Variants in SYNE2 observed in about 807,000 individuals in gnomAD.
The protein encoded by SYNE2 is nesprin-2.
In SYNE2, 431 loss-of-function variants were observed where a neutral mutation model predicts 856.3. The ratio of observed to expected loss-of-function variants is 0.50; its 90% CI spans 0.47 to 0.55. The LOEUF (loss-of-function observed/expected upper bound fraction) is 0.55, where lower values mean the gene tolerates loss of function less well. Among genes scored for constraint, SYNE2 ranks in the 20% least tolerant of loss-of-function variants. SYNE2 has a pLI of 0.00. For missense variants in SYNE2, 8,129 were observed against 8,023.2 expected (o/e 1.01, Z -0.50); for synonymous variants, 2,923 against 2,872.3 (o/e 1.02, Z -0.56).
At chr14:63,983,652 A>G (rs957571692) in intron 17 of SYNE2, 85 bp from the exon 18 acceptor site, 34 of 1,146,054 alleles carry the variant, frequency 3.0e-5, no homozygotes, top group Non-Finnish European at 3.9e-5. Flanking sequence ...ATATTTGAAT[A>G]TATTACATCC....
At chr14:64,071,384 C>T (rs557867432) in intron 52 of SYNE2, among the ~76,000 whole-genome samples, 6 of 151,956 alleles carry the variant, frequency 3.9e-5, no homozygotes, top group African/African-American at 1.2e-4. Flanking sequence ...GTCCCAGCTA[C>T]TCGGGAGGCT....
At chr14:64,006,910 C>T (rs1447280121) in intron 30 of SYNE2, 133 bp from the exon 31 acceptor site, 9 of 720,624 alleles carry the variant, frequency 1.2e-5, no homozygotes, top group Admixed American at 9.3e-5. Context: ...AACTCTGTAA[C>T]AGGAATGTGT....
At chr14:64,215,192 T>A in intron 106 of SYNE2, 94 bp from the exon 107 acceptor site, 1 of 1,178,416 alleles carries the variant, frequency 8.5e-7, no homozygotes, top group Non-Finnish European at 1.3e-6. Flanking sequence ...GGTAGTTTTC[T>A]CCTTCCAGCT....
intron 25 of SYNE2, 49 bp from the exon 26 acceptor site, chr14:63,998,170 A>G (rs1460530291): frequency 1.6e-6 from 2 of 1,287,590 alleles, no homozygotes; most frequent in Admixed American, 3.4e-5. Context: ...TTTTCCAGAT[A>G]AAAAGTATGT....
chr14:64,213,090 CT>C, intron 105 of SYNE2, 85 bp downstream of exon 105: 1 of 1,372,422 alleles, frequency 7.3e-7, no homozygotes, highest in Non-Finnish European at 1.0e-6. Flanking sequence ...GGGGACCTGT[CT>C]TATAATGGTT....
intron 1 of SYNE2, among the ~76,000 whole-genome samples, chr14:63,797,595 C>G (rs1287414351): frequency 6.6e-6 from 1 of 152,162 alleles, no homozygotes; most frequent in East Asian, 1.9e-4. Flanking sequence ...GCATGCGCCA[C>G]CACACCCGGC....
At chr14:63,861,118 T>G (rs913483585) in intron 1 of SYNE2, among the ~76,000 whole-genome samples, 2 of 151,362 alleles carry the variant, frequency 1.3e-5, no homozygotes, top group Non-Finnish European at 2.9e-5. Flanking sequence ...ATGCATATGG[T>G]TAAGAAATGT....
chr14:64,019,903 G>C, intron 34 of SYNE2, 89 bp from the exon 35 acceptor site: 1 of 891,104 alleles, frequency 1.1e-6, no homozygotes, highest in Non-Finnish European at 1.8e-6. Flanking sequence ...GGCTCTCTCA[G>C]TTTCTATATA....
rs2097237747 is a variant in SYNE2, at chr14:64,052,851, G to A, written c.8938G>A (p.Glu2980Lys). 2.5e-6 allele frequency: 4 copies of A among 1,613,688 alleles called. No individual in the cohort carries two copies. Among genetic ancestry groups the A allele is most frequent in the Non-Finnish European group, 3.4e-6 (4 of 1,179,922 alleles). ...NQEVNKGVKE[E>K]IYNLKDRLTA... ...AGAAGTAAATAAAGGTGTTAAAGAG[G>A]AGATCTATAATCTTAAAGACAGACT... Residue 2980 changes from glutamate (E) to lysine (K), a missense_variant, in exon 48 of 116, where the codon GAG becomes AAG. By Grantham distance (56) the Glu-to-Lys change is moderately conservative (BLOSUM62 1). Coordinates refer to ENST00000555002, the MANE Select transcript of SYNE2 (RefSeq NM_182914.3).
chr14:64,064,652 C>T (rs1451306577), intron 50 of SYNE2, among the ~76,000 whole-genome samples: 1 of 148,674 alleles, frequency 6.7e-6, no homozygotes, highest in Non-Finnish European at 1.5e-5. Context: ...CTCCTGGCCT[C>T]AAGGGATCCT....
At chr14:63,985,842 C>T (rs2096621449) in intron 18 of SYNE2, among the ~76,000 whole-genome samples, 1 of 152,006 alleles carries the variant, frequency 6.6e-6, no homozygotes, top group Admixed American at 6.6e-5. Context: ...GACCCCATCT[C>T]TACAAAATAT....
intron 94 of SYNE2, among the ~76,000 whole-genome samples, chr14:64,170,805 T>A (rs2098406990): frequency 6.6e-6 from 1 of 152,132 alleles, no homozygotes. Flanking sequence ...TGACCATTAG[T>A]GTAGTAATGT....
chr14:64,105,592 A>C (rs1376121451), intron 64 of SYNE2, among the ~76,000 whole-genome samples: 2 of 152,236 alleles, frequency 1.3e-5, no homozygotes, highest in African/African-American at 2.4e-5. Flanking sequence ...CAAGTAGAGC[A>C]ATCAAGGTTG....
chr14:63,775,506 C>T (rs551425025), intron 1 of SYNE2, among the ~76,000 whole-genome samples: 2 of 151,988 alleles, frequency 1.3e-5, no homozygotes, highest in East Asian at 3.9e-4. Context: ...GAGCTCCTGA[C>T]TTCAGGTGAT....
intron 2 of SYNE2, among the ~76,000 whole-genome samples, chr14:63,925,469 C>T (rs2095652856): frequency 6.6e-6 from 1 of 152,132 alleles, no homozygotes; most frequent in African/African-American, 2.4e-5. Flanking sequence ...ATATCTGTAT[C>T]CATTACCCCA....
chr14:63,852,523 A>T (rs1890626240), upstream of SYNE2, among the ~76,000 whole-genome samples: 1 of 152,164 alleles, frequency 6.6e-6, no homozygotes, highest in Non-Finnish European at 1.5e-5. Context: ...TCCGGACCAC[A>T]CTACGAAATA....
chr14:64,142,333 C>T (rs1183375199), intron 82 of SYNE2, among the ~76,000 whole-genome samples: 2 of 152,126 alleles, frequency 1.3e-5, no homozygotes, highest in Admixed American at 1.3e-4. Context: ...TGTGGTCTCA[C>T]CTTTTTATCC....
Position 63,771,747 on chromosome 14 carries a change from G to A in SYNE2, c.-305+9761G>A, listed in dbSNP as rs1050384536. Among the ~76,000 whole-genome samples, 6 of 151,940 alleles carry A rather than the reference G, an allele frequency of 3.9e-5. No individual in the cohort carries two copies. In the South Asian group the frequency reaches 1.0e-3, roughly 26 times the overall value. On this transcript the variant is annotated intron_variant, in intron 1 of 23. Transcript: ENST00000674003. ...ACCCTGTCTCTACTAAAAAAATAAC[G>A]AAAATTAGCTGGGTGTGTGTGTGCC...
chr14:64,178,918 T>A (rs1021740848), intron 96 of SYNE2, among the ~76,000 whole-genome samples: 81 of 151,880 alleles, frequency 5.3e-4, no homozygotes, highest in African/African-American at 1.0e-3. Flanking sequence ...CAGCAAAAAA[T>A]TTTTTTTAAT....
Sources: gnomAD v4.1 joint callset for allele counts (sites outside exome capture counted in the v4.1 genomes callset) on GRCh38, gnomAD v4.1.1 for gene constraint, MANE v1.5 for transcripts, NCBI Gene and HGNC (gene_info 2026-07-23, HGNC 2026-07-21) for gene names.